Variants in SYNPO observed in about 807,000 individuals in gnomAD.
SYNPO encodes the protein synaptopodin.
A neutral mutation model predicts 49.5 loss-of-function variants in SYNPO; 19 were observed. The observed-to-expected ratio is 0.38, with a 90% CI of 0.27 to 0.56. The LOEUF is 0.56. Ranked by LOEUF, SYNPO falls within the 20% of genes least tolerant of loss-of-function variation. The pLI, the probability that SYNPO is intolerant of heterozygous loss-of-function variation, is 0.68. For missense variants in SYNPO, 1,131 were observed against 1,248.3 expected (o/e 0.91, Z 1.42); for synonymous variants, 536 against 548.0 (o/e 0.98, Z 0.31).
chr5:150,631,174 A>T (rs2151387459), intron 2 of SYNPO, among the ~76,000 whole-genome samples: 1 of 152,356 alleles, frequency 6.6e-6, no homozygotes, highest in African/African-American at 2.4e-5. Flanking sequence ...ATTCAGGCCC[A>T]GCTATGGCCG....
At chr5:150,628,663 C>T (rs1258340959) in intron 2 of SYNPO, among the ~76,000 whole-genome samples, 1 of 152,218 alleles carries the variant, frequency 6.6e-6, no homozygotes, top group Non-Finnish European at 1.5e-5. Context: ...AATCCCAGCA[C>T]TTTGGGAGGC....
chr5:150,637,437 T>G (rs1194399802), upstream of SYNPO, among the ~76,000 whole-genome samples: 19 of 152,212 alleles, frequency 1.2e-4, no homozygotes, highest in Admixed American at 1.2e-3. Context: ...CCTCGCACAT[T>G]AGAAGTGCTC....
chr5:150,609,848 C>T (rs1378057298), intron 1 of SYNPO, among the ~76,000 whole-genome samples: 1 of 152,186 alleles, frequency 6.6e-6, no homozygotes, highest in Admixed American at 6.5e-5. Flanking sequence ...CTCTCCCCAT[C>T]TGCTGACTGC....
chr5:150,624,284 G>A (rs922802641), intron 2 of SYNPO, among the ~76,000 whole-genome samples: 12 of 152,202 alleles, frequency 7.9e-5, no homozygotes, highest in African/African-American at 2.4e-4. Flanking sequence ...ATGGGCCTGA[G>A]CACCCAGGTC....
chr5:150,636,766 C>T (rs1757729356), upstream of SYNPO, among the ~76,000 whole-genome samples: 1 of 138,700 alleles, frequency 7.2e-6, no homozygotes, highest in African/African-American at 2.8e-5. Flanking sequence ...CTAGAAGTGA[C>T]ATGGGGATCC....
In SYNPO at chr5:150,657,293, C is replaced by T. The variant is rs1758607894; in HGVS notation, c.*206C>T. ...AGCTGTTGTGTGACCCTGGGTAAGA[C>T]CCTTCCTTGTTTGACCCTCAGCTTT... is the stretch of plus-strand genomic sequence containing the variant. On this transcript the variant is annotated 3_prime_UTR_variant, in exon 3 of 3. Transcript: ENST00000307662. The T allele has an allele frequency of 1.6e-6, 1 of 612,970 alleles. No individual in the cohort carries two copies. The highest frequency in any genetic ancestry group is 2.8e-6 in the Non-Finnish European group (1 of 359,060). The allele number at this position is 612,970 out of a possible 1,614,324, so 38.0% of individuals were successfully genotyped here. A position where few individuals can be genotyped will look rare whatever the true frequency, so the allele number is the denominator to read the frequency against.
chr5:150,621,139 G>A (rs1341113446), intron 2 of SYNPO, among the ~76,000 whole-genome samples: 1 of 151,890 alleles, frequency 6.6e-6, no homozygotes, highest in Non-Finnish European at 1.5e-5. Flanking sequence ...TTTTAGTAGA[G>A]ATGGGATTTC....
chr5:150,610,560 A>G (rs1260371204), intron 1 of SYNPO, among the ~76,000 whole-genome samples: 1 of 152,256 alleles, frequency 6.6e-6, no homozygotes, highest in Non-Finnish European at 1.5e-5. Context: ...TGCCCAGCAC[A>G]TGCTCAATAT....
At chr5:150,598,299 G>C (rs1433924236), upstream of SYNPO, among the ~76,000 whole-genome samples, 2 of 152,214 alleles carry the variant, frequency 1.3e-5, no homozygotes, top group Non-Finnish European at 2.9e-5. Flanking sequence ...CTGAGGCTGA[G>C]TCTCACTCCT....
rs1287515411 is a variant in SYNPO at position 150,652,483 on chromosome 5, CGT to C, written c.2028+2185_2028+2186del. The C allele has an allele frequency of 3.4e-6, 3 of 870,562 alleles. No individual in the cohort carries two copies. The African/African-American group carries it at 5.5e-5, about 16-fold the overall frequency. 53.9% of individuals were successfully genotyped at this position (870,562 alleles called of 1,614,324 possible). ...TGTCCTGCGTGCTGCCTGCACCTGC[CGT>C]GTGTCTGGTTCTGCACTGGTACAGA... On this transcript the variant is annotated intron_variant, in intron 2 of 2. Transcript: ENST00000307662.
intron 2 of SYNPO, chr5:150,651,461 C>T (rs1013659183): frequency 2.4e-5 from 24 of 1,000,484 alleles, no homozygotes; most frequent in East Asian, 1.1e-4. Context: ...AGTGACAAGA[C>T]AGTCCCCTGG....
chr5:150,627,275 A>T (rs1757388431), intron 2 of SYNPO, among the ~76,000 whole-genome samples: 1 of 152,162 alleles, frequency 6.6e-6, no homozygotes, highest in African/African-American at 2.4e-5. Context: ...TCTGGTCCCC[A>T]TTGTAGTGAA....
intron 2 of SYNPO, among the ~76,000 whole-genome samples, chr5:150,619,172 G>A (rs1757073047): frequency 6.6e-6 from 1 of 152,172 alleles, no homozygotes; most frequent in African/African-American, 2.4e-5. Context: ...CTACGTGGGG[G>A]TGCTGGGGAC....
chr5:150,634,862 A>C (rs200337753), intron 2 of SYNPO, among the ~76,000 whole-genome samples: 35 of 44,548 alleles, frequency 7.9e-4, no homozygotes, highest in Middle Eastern at 8.5e-3. Flanking sequence ...ACACACACAC[A>C]CCACACACAC....
chr5:150,600,638 G>A (rs1247546519), upstream of SYNPO, among the ~76,000 whole-genome samples: 1 of 152,180 alleles, frequency 6.6e-6, no homozygotes, highest in Non-Finnish European at 1.5e-5. Context: ...GGGGCAGGGG[G>A]CTGGATTCCA....
intron 1 of SYNPO, among the ~76,000 whole-genome samples, chr5:150,608,900 A>G (rs1259446775): frequency 6.6e-6 from 1 of 152,196 alleles, no homozygotes; most frequent in African/African-American, 2.4e-5. Flanking sequence ...AGTTGCTATG[A>G]TGCAGGCGTG....
intron 1 of SYNPO, chr5:150,614,948 C>T (rs1231200729): frequency 6.6e-6 from 1 of 152,526 alleles, no homozygotes; most frequent in Non-Finnish European, 1.5e-5. Flanking sequence ...TTTGCCATTT[C>T]CCACCCGTGT....
In SYNPO at chr5:150,640,804, G is replaced by A; in HGVS notation, c.-383G>A. 3 of 985,614 alleles carry A rather than the reference G, an allele frequency of 3.0e-6. No individual in the cohort carries two copies. Among genetic ancestry groups the A allele is most frequent in the Non-Finnish European group, 3.6e-6 (3 of 829,946 alleles). The allele number at this position is 985,614 out of a possible 1,614,324, so 61.1% of individuals were successfully genotyped here. ...AGGCTTTGAGAACCAAGGCTTGAAGGCCGGCAGGAGCATCCAGGGGGAAGC... is the reference window on the plus strand; with the variant it reads ...AGGCTTTGAGAACCAAGGCTTGAAGACCGGCAGGAGCATCCAGGGGGAAGC... On this transcript the variant is annotated 5_prime_UTR_variant, in exon 1 of 3. Transcript: ENST00000307662.
chr5:150,656,852 G>A lies in SYNPO; in HGVS notation c.2477G>A (p.Ser826Asn), dbSNP rs1423445561. Residue 826 changes from serine (S) to asparagine (N), a missense_variant, in exon 3 of 3, where the codon AGC (serine) becomes AAC (asparagine). Ser to Asn is a conservative substitution (Grantham distance 46). Around this residue, in one of 4 missense-constraint regions of SYNPO, gnomAD observed 509 missense variants for 484.5 expected, o/e 1.05. Transcript: ENST00000307662. ...PGAAFAPIPR[S>N]PLPAGPSSCT... ...GCAGCCTTCGCGCCCATCCCGCGGAGCCCGTTGCCCGCCGGTCCTTCGTCC... is the reference window on the plus strand; with the variant it reads ...GCAGCCTTCGCGCCCATCCCGCGGAACCCGTTGCCCGCCGGTCCTTCGTCC... 1 of 1,557,454 alleles carries A rather than the reference G, an allele frequency of 6.4e-7. No individual in the cohort carries two copies. Among genetic ancestry groups the A allele is most frequent in the South Asian group, 1.2e-5 (1 of 85,054 alleles).
Sources: gnomAD v4.1 joint callset for allele counts (sites outside exome capture counted in the v4.1 genomes callset) on GRCh38, gnomAD v4.1.1 for gene constraint, gnomAD v4.1.1 regional missense constraint, MANE v1.5 for transcripts, NCBI Gene and HGNC (gene_info 2026-07-23, HGNC 2026-07-21) for gene names.